P2RY14: variants seen among roughly 807,000 people sequenced by gnomAD.
P2RY14 encodes the protein purinergic receptor P2Y14.
P2RY14 carries 2 observed loss-of-function variants against 0.9 expected under a neutral mutation model. That is an observed-to-expected ratio of 2.16 (90% CI 0.88 to 6.79). The LOEUF is 6.79. P2RY14 is among the 30% of genes most tolerant of loss of function. The pLI is 0.05. For missense variants in P2RY14, 378 were observed against 400.1 expected, an observed-to-expected ratio of 0.94 and a Z score of 0.47; for synonymous variants, 158 against 147.2, an observed-to-expected ratio of 1.07 and a Z score of -0.53.
At position 151,213,619 on chromosome 3, in the gene P2RY14, C is replaced by G. The variant is rs575550811; in HGVS notation, c.698G>C (p.Arg233Pro). The G allele has an allele frequency of 6.2e-7, 1 of 1,613,986 alleles. No homozygotes were observed. The highest frequency in any genetic ancestry group is 1.3e-5 in the African/African-American group (1 of 74,916). The change falls in exon 3 of 3, where the codon CGC (arginine) becomes CCC (proline). Residue 233 changes from arginine to proline, a missense_variant. By Grantham distance (103) the Arg-to-Pro change is moderately radical. Coordinates refer to ENST00000309170, the MANE Select transcript of P2RY14 (RefSeq NM_014879.4). Reference protein sequence around the residue: ...NSTSVKKKSSRNIFSIVFVFF... With the variant: ...NSTSVKKKSSPNIFSIVFVFF... The stretch of plus-strand genomic sequence containing the variant: ...CACAAACACGATGCTGAATATGTTG[C>G]GGCTAGATTTCTTTTTGACCGAAGT...
chr3:151,214,208 T>C lies in P2RY14; in HGVS notation c.109A>G (p.Ile37Val), dbSNP rs777817492. The change falls in exon 3 of 3, where the codon ATC becomes GTC. Residue 37 changes from isoleucine (I) to valine (V), a missense_variant. By Grantham distance (29) the Ile-to-Val change is conservative. Coordinates refer to ENST00000309170, the MANE Select transcript of P2RY14 (RefSeq NM_014879.4). Reference sequence around the variant, plus strand: ...CATCCTGACACTCCATTGAGTAGGATTCCTGCAATGAAGACCATACAGTAC... The same window carrying C: ...CATCCTGACACTCCATTGAGTAGGACTCCTGCAATGAAGACCATACAGTAC... ...VLYCMVFIAG[I>V]LLNGVSGWIF... The C allele has an allele frequency of 4.1e-5, 66 of 1,613,788 alleles. No homozygotes were observed. Among genetic ancestry groups the C allele is most frequent in the Non-Finnish European group, 5.3e-5 (62 of 1,179,830 alleles).
intron 1 of P2RY14, among the ~76,000 whole-genome samples, chr3:151,255,576 C>T (rs115441776): frequency 6.0e-4 from 91 of 152,194 alleles, no homozygotes; most frequent in South Asian, 3.1e-3. Flanking sequence ...TGAACACACG[C>T]GATTTTTCCT....
chr3:151,259,716 A>T (rs1354147548), intron 1 of P2RY14, among the ~76,000 whole-genome samples: 1 of 152,246 alleles, frequency 6.6e-6, no homozygotes, highest in Non-Finnish European at 1.5e-5. Context: ...CTGTGTATAA[A>T]TACTCTGTGT....
chr3:151,254,705 T>C (rs1053702054), intron 1 of P2RY14, among the ~76,000 whole-genome samples: 3 of 152,242 alleles, frequency 2.0e-5, no homozygotes, highest in Non-Finnish European at 4.4e-5. Flanking sequence ...TAGATGCTTC[T>C]TAGCATTACA....
In P2RY14 at chr3:151,257,505, G is replaced by A. The variant is rs80218899; in HGVS notation, c.-133+20782C>T. 1.3e-4 allele frequency among the ~76,000 whole-genome samples: 20 copies of A among 152,366 alleles called. No individual in the cohort carries two copies. In the East Asian group the frequency reaches 1.7e-3, roughly 13 times the overall value. On this transcript the variant is annotated intron_variant, in intron 1 of 2. Coordinates refer to ENST00000309170, the MANE Select transcript of P2RY14 (RefSeq NM_014879.4). ...CTCTCTGTGCTTCAGCACCCTCATC[G>A]TTAGGAGAATCTGTACAAAAGTGAT... is the stretch of plus-strand genomic sequence containing the variant.
At chr3:151,245,043 C>G (rs1021793286) in intron 1 of P2RY14, among the ~76,000 whole-genome samples, 1 of 152,174 alleles carries the variant, frequency 6.6e-6, no homozygotes, top group South Asian at 2.1e-4. Context: ...TTCCTTGACA[C>G]ATACACTCTC....
intron 2 of P2RY14, among the ~76,000 whole-genome samples, chr3:151,218,149 AT>A (rs137965320): frequency 0.018 from 2,801 of 152,304 alleles, 91 homozygotes; most frequent in African/African-American, 0.065. Context: ...TTTTATTCTC[AT>A]GCTGATTTTA....
At chr3:151,237,045 CT>C (rs56926535) in intron 1 of P2RY14, among the ~76,000 whole-genome samples, 3,737 of 125,824 alleles carry the variant, frequency 0.03, 69 homozygotes, top group African/African-American at 0.099. Context: ...TGATGCCAAA[CT>C]TTTTTTTTTT....
At chr3:151,238,771 C>A (rs1011264332) in intron 1 of P2RY14, among the ~76,000 whole-genome samples, 1 of 152,106 alleles carries the variant, frequency 6.6e-6, no homozygotes, top group Non-Finnish European at 1.5e-5. Flanking sequence ...ATAAAAATAT[C>A]TTTTTAATAT....
chr3:151,244,206 A>C (rs1734846468), intron 1 of P2RY14, among the ~76,000 whole-genome samples: 1 of 137,000 alleles, frequency 7.3e-6, no homozygotes, highest in Non-Finnish European at 1.6e-5. Flanking sequence ...TAGACAGATC[A>C]ACGAGACAGA....
intron 1 of P2RY14, chr3:151,270,241 G>GTGTGTGTGTGTGTGTGT (rs1247181043): frequency 6.4e-6 from 1 of 157,022 alleles, no homozygotes; most frequent in Non-Finnish European, 1.4e-5. Context: ...GTGTGTGTGT[G>GTGTGTGTGTGTGTGTGT]TTTTCTTTTG....
chr3:151,249,305 GTATT>G (rs1404268349), intron 1 of P2RY14, among the ~76,000 whole-genome samples: 1 of 152,180 alleles, frequency 6.6e-6, no homozygotes, highest in Admixed American at 6.5e-5. Flanking sequence ...AATAGCTTCT[GTATT>G]TATTGGGAAG....
intron 2 of P2RY14, among the ~76,000 whole-genome samples, chr3:151,218,651 G>A (rs369958250): frequency 6.6e-6 from 1 of 151,800 alleles, no homozygotes; most frequent in Non-Finnish European, 1.5e-5. Flanking sequence ...GGTGGATCAC[G>A]AGGTCAGGAG....
Position 151,278,465 on chromosome 3 carries a change from A to G in P2RY14, c.-311T>C, listed in dbSNP as rs1742271643. ...CCCTCTGCTGCTGTTGTCAGATAGA[A>G]TTTATTGAAGACTGGGACGTGGAAA... On this transcript the variant is annotated 5_prime_UTR_variant, in exon 1 of 3. Coordinates refer to ENST00000309170, the MANE Select transcript of P2RY14 (RefSeq NM_014879.4). The G allele has an allele frequency of 6.6e-6, 1 of 150,680 alleles. No individual in the cohort carries two copies. The highest frequency in any genetic ancestry group is 6.6e-5 in the Admixed American group (1 of 15,084). The allele number at this position is 150,680 out of a possible 1,614,324, so 9.3% of individuals were successfully genotyped here.
intron 1 of P2RY14, chr3:151,269,934 A>G (rs1032677242): frequency 3.8e-5 from 16 of 425,584 alleles, no homozygotes; most frequent in Non-Finnish European, 6.8e-5. Flanking sequence ...GAGTTGGGAG[A>G]GTTCATCAAA....
At chr3:151,256,026 T>C (rs1737749984) in intron 1 of P2RY14, among the ~76,000 whole-genome samples, 1 of 152,202 alleles carries the variant, frequency 6.6e-6, no homozygotes, top group Admixed American at 6.5e-5. Context: ...GGCTAATTGT[T>C]CCTTTACAAT....
intron 1 of P2RY14, among the ~76,000 whole-genome samples, chr3:151,249,913 G>A (rs1217242371): frequency 6.6e-6 from 1 of 152,142 alleles, no homozygotes; most frequent in Non-Finnish European, 1.5e-5. Context: ...AGGGCCTATA[G>A]CATCAACTTT....
At chr3:151,226,390 T>A (rs1352661960) in intron 1 of P2RY14, among the ~76,000 whole-genome samples, 1 of 152,192 alleles carries the variant, frequency 6.6e-6, no homozygotes, top group Non-Finnish European at 1.5e-5. Context: ...AGTAAACGTT[T>A]ACGTTACAAA....
intron 1 of P2RY14, among the ~76,000 whole-genome samples, chr3:151,232,137 C>T (rs981557429): frequency 3.9e-5 from 6 of 152,124 alleles, no homozygotes; most frequent in African/African-American, 7.2e-5. Flanking sequence ...GTGGGGTCTC[C>T]TCTGCCCATC....
Sources: allele counts gnomAD v4.1 joint callset (sites outside exome capture counted in the v4.1 genomes callset), GRCh38; gene constraint gnomAD v4.1.1; transcripts MANE v1.5; gene names NCBI Gene and HGNC (gene_info 2026-07-23, HGNC 2026-07-21).